ADGRA3: variants seen among roughly 807,000 people sequenced by gnomAD.
ADGRA3 encodes the protein adhesion G protein-coupled receptor A3, also known as G-protein coupled receptor 125.
Under a neutral mutation model 119.8 loss-of-function variants are expected in ADGRA3, and 56 were observed. The ratio of observed to expected loss-of-function variants is 0.47; its 90% CI spans 0.38 to 0.58. The LOEUF is 0.58. Among genes scored for constraint, ADGRA3 ranks in the 20% least tolerant of loss-of-function variants. The pLI is 0.00. For synonymous variants in ADGRA3, 607 were observed against 623.8 expected, an observed-to-expected ratio of 0.97 and a Z score of 0.40; for missense variants, 1,516 against 1,649.0, an observed-to-expected ratio of 0.92 and a Z score of 1.40.
Position 22,515,894 on chromosome 4 carries a change from A to T in ADGRA3, c.-110T>A, listed in dbSNP as rs1449713127. On this transcript the variant is annotated 5_prime_UTR_variant, in exon 1 of 19. Coordinates refer to ENST00000334304, the MANE Select transcript of ADGRA3 (RefSeq NM_145290.4). Reference sequence around the variant, plus strand: ...CGGGCCCAGCGGCGACCGGAGCCTTATGGCGGCCGGAGGACGGGCCTTCCC... The same window carrying T: ...CGGGCCCAGCGGCGACCGGAGCCTTTTGGCGGCCGGAGGACGGGCCTTCCC... The T allele has an allele frequency of 1.6e-5, 12 of 735,698 alleles. No individual in the cohort carries two copies. The highest frequency in any genetic ancestry group is 1.4e-3 in the Middle Eastern group (2 of 1,480). The allele number at this position is 735,698 out of a possible 1,614,324, so 45.6% of individuals were successfully genotyped here. A position where few individuals can be genotyped will look rare whatever the true frequency, so the allele number is the denominator to read the frequency against.
At chr4:22,412,149 A>T (rs1220179265) in intron 14 of ADGRA3, among the ~76,000 whole-genome samples, 1 of 152,208 alleles carries the variant, frequency 6.6e-6, no homozygotes, top group African/African-American at 2.4e-5. Context: ...GGAATCAGAA[A>T]TAACATAGAA....
chr4:22,390,085 T>C (rs1225886854), intron 17 of ADGRA3, among the ~76,000 whole-genome samples: 1 of 151,890 alleles, frequency 6.6e-6, no homozygotes, highest in Non-Finnish European at 1.5e-5. Flanking sequence ...CTGCCTTCTA[T>C]TCCACAGATT....
At chr4:22,498,775 G>A (rs60247485) in intron 1 of ADGRA3, among the ~76,000 whole-genome samples, 2,225 of 152,034 alleles carry the variant, frequency 0.015, 53 homozygotes, top group African/African-American at 0.051. Context: ...TTAGCCAGGC[G>A]TGGTGGTGCA....
At chr4:22,471,066 G>A (rs1230288954) in intron 2 of ADGRA3, among the ~76,000 whole-genome samples, 1 of 152,152 alleles carries the variant, frequency 6.6e-6, no homozygotes, top group South Asian at 2.1e-4. Context: ...GGAAGACATA[G>A]GAGAGACGCA....
chr4:22,486,808 G>C (rs1718446080), intron 1 of ADGRA3, among the ~76,000 whole-genome samples: 1 of 152,154 alleles, frequency 6.6e-6, no homozygotes, highest in Non-Finnish European at 1.5e-5. Flanking sequence ...TCATGACTTT[G>C]GACAAGTTCT....
intron 4 of ADGRA3, among the ~76,000 whole-genome samples, chr4:22,449,195 G>A (rs61792025): frequency 0.024 from 3,707 of 151,796 alleles, 84 homozygotes; most frequent in East Asian, 0.077. Context: ...ACTTGAACCC[G>A]GAAGGCAGAG....
intron 6 of ADGRA3, 71 bp from the exon 7 acceptor site, chr4:22,442,934 A>C: frequency 8.9e-7 from 1 of 1,129,920 alleles, no homozygotes; most frequent in Non-Finnish European, 1.3e-6. Flanking sequence ...AGTTACAGAA[A>C]TTCTAGGTAA....
intron 11 of ADGRA3, among the ~76,000 whole-genome samples, chr4:22,422,058 G>A (rs73112113): frequency 0.011 from 1,653 of 152,100 alleles, 22 homozygotes; most frequent in African/African-American, 0.037. Flanking sequence ...AATACAGACA[G>A]CCACCAGGCC....
chr4:22,452,232 TAGAC>T (rs1206205571), intron 4 of ADGRA3, among the ~76,000 whole-genome samples: 2 of 152,140 alleles, frequency 1.3e-5, no homozygotes, highest in Admixed American at 6.5e-5. Context: ...ATAGGAATGA[TAGAC>T]AGTGGAAAAT....
At chr4:22,500,624 T>TA (rs1719017581) in intron 1 of ADGRA3, among the ~76,000 whole-genome samples, 1 of 152,142 alleles carries the variant, frequency 6.6e-6, no homozygotes, top group South Asian at 2.1e-4. Flanking sequence ...ATCTCTCCTT[T>TA]AAAAAAGCAA....
In ADGRA3 at chr4:22,401,480, AC is replaced by A; in HGVS notation, c.2431del (p.Val811SerfsTer6). On this transcript the variant is annotated frameshift_variant, in exon 16 of 19. Coordinates refer to ENST00000334304, the MANE Select transcript of ADGRA3 (RefSeq NM_145290.4). LOFTEE classifies it high-confidence loss of function. ...AGTCTGGGTTATTCCTCCCACAAAG[AC>A]CACACAGGTTAGGAAAATATGAAAG... ...LCFHIFLTCV[V>X]FVGGITQTRN... 2 of 1,612,160 alleles carry A rather than the reference AC, an allele frequency of 1.2e-6. No homozygotes were observed. Among genetic ancestry groups the A allele is most frequent in the South Asian group, 2.2e-5 (2 of 90,628 alleles).
In ADGRA3 at chr4:22,387,764, C is replaced by T. The variant is rs147716223; in HGVS notation, c.3907G>A (p.Gly1303Ser). 1.4e-5 allele frequency: 23 copies of T among 1,614,016 alleles called. No homozygotes were observed. The East Asian group carries it at 2.7e-4, about 19-fold the overall frequency. The change falls in exon 19 of 19, where the codon GGT becomes AGT. Residue 1303 changes from glycine (G) to serine (S), a missense_variant. Gly to Ser is a moderately conservative substitution (Grantham distance 56). Transcript: ENST00000334304. ...KSNGQEGPLL[G>S]TDSTGNVRTG... is the part of the protein sequence containing the mutation. Reference sequence around the variant, plus strand: ...CTAACATTGCCAGTGCTATCGGTACCGAGCAAGGGTCCCTCCTGCCCATTG... The same window carrying T: ...CTAACATTGCCAGTGCTATCGGTACTGAGCAAGGGTCCCTCCTGCCCATTG...
intron 11 of ADGRA3, among the ~76,000 whole-genome samples, chr4:22,421,397 C>G (rs533602149): frequency 6.6e-6 from 1 of 151,896 alleles, no homozygotes; most frequent in Non-Finnish European, 1.5e-5. Flanking sequence ...TCGAAGGAAA[C>G]AACAAGCTAA....
chr4:22,484,012 C>G (rs748745361), intron 1 of ADGRA3, among the ~76,000 whole-genome samples: 4 of 151,800 alleles, frequency 2.6e-5, no homozygotes, highest in Non-Finnish European at 5.9e-5. Flanking sequence ...TTAAATGAAC[C>G]CCAAGTAAAA....
chr4:22,482,492 A>T (rs1422206547), intron 1 of ADGRA3, among the ~76,000 whole-genome samples: 10 of 6,568 alleles, frequency 1.5e-3, no homozygotes, highest in Admixed American at 5.7e-3. Flanking sequence ...CCCAACTCTT[A>T]AAAAAAAAAA....
chr4:22,392,773 G>C, intron 16 of ADGRA3, 83 bp from the exon 17 acceptor site: 1 of 1,297,962 alleles, frequency 7.7e-7, no homozygotes, highest in East Asian at 2.5e-5. Flanking sequence ...TAACTCAGAA[G>C]TCTGATTTGA....
In ADGRA3 at chr4:22,388,774, T is replaced by C; in HGVS notation, c.2897A>G (p.Glu966Gly). The change falls in exon 19 of 19, where the codon GAA (glutamate) becomes GGA (glycine). Residue 966 changes from glutamate (E) to glycine (G), a missense_variant. Physicochemically the swap from Glu to Gly is moderately conservative, Grantham distance 98. Around this residue, in one of 2 missense-constraint regions of ADGRA3, gnomAD observed 1,088 missense variants for 1,107.1 expected, o/e 0.98. Transcript: ENST00000334304. ...ATCCTGATGATTTATTTCGCCATTT[T>C]CATTGGCTGCCAATCTCTGTTGCTC... ...TEEQQRLAAN[E>G]NGEINHQDSM... 1 of 1,614,158 alleles carries C rather than the reference T, an allele frequency of 6.2e-7. No homozygotes were observed. The highest frequency in any genetic ancestry group is 8.5e-7 in the Non-Finnish European group (1 of 1,179,992).
chr4:22,403,667 A>C (rs1714767335), intron 14 of ADGRA3, among the ~76,000 whole-genome samples: 1 of 152,102 alleles, frequency 6.6e-6, no homozygotes, highest in Non-Finnish European at 1.5e-5. Context: ...ACTTGAGTCC[A>C]GGAGGTCAAG....
At position 22,424,344 on chromosome 4, in the gene ADGRA3, G is replaced by A. The variant is rs61741722; in HGVS notation, c.1452C>T (p.Asp484=). 2.0e-3 allele frequency: 3,147 copies of A among 1,612,894 alleles called. 35 individuals are homozygous for A. The African/African-American group carries it at 0.032, about 17-fold the overall frequency. ...TKEEKSKELG[D]VMVDIASNIM... ...TGTTACTTGCAATGTCAACCATCAC[G>A]TCACCTAGCTAGCAGGGGTTCAGGA... is the stretch of plus-strand genomic sequence containing the variant. The change falls in exon 11 of 19, where the codon GAC becomes GAT. Residue 484 remains aspartate, a synonymous_variant. Transcript: ENST00000334304.
Sources: allele counts gnomAD v4.1 joint callset (sites outside exome capture counted in the v4.1 genomes callset), GRCh38; gene constraint gnomAD v4.1.1; regional missense constraint gnomAD v4.1.1; transcripts MANE v1.5; gene names NCBI Gene and HGNC (gene_info 2026-07-23, HGNC 2026-07-21).